Variants in FCGR2B observed in about 807,000 individuals in gnomAD.
The protein encoded by FCGR2B is Fc gamma receptor IIb, also known as low affinity immunoglobulin gamma Fc region receptor II-b.
FCGR2B carries 18 observed loss-of-function variants against 24.8 expected under a neutral mutation model. The observed-to-expected ratio is 0.73, with a 90% CI of 0.50 to 1.08. The LOEUF is 1.08. Among genes scored for constraint, FCGR2B ranks in the 50% least tolerant of loss-of-function variants. The pLI is 0.00. For synonymous variants in FCGR2B, 79 were observed against 109.8 expected (o/e 0.72, Z 1.75); for missense variants, 215 against 297.6 (o/e 0.72, Z 2.04).
chr1:161,652,183 A>G, the FCGR2B span, among the ~76,000 whole-genome samples: 2 of 131,638 alleles, frequency 1.5e-5, no homozygotes, highest in African/African-American at 5.2e-5. Flanking sequence ...TTCTCTTTAA[A>G]TGTTTCTTCT....
At chr1:161,671,092 G>A (rs1316727202) in intron 2 of FCGR2B, among the ~76,000 whole-genome samples, 1 of 152,140 alleles carries the variant, frequency 6.6e-6, no homozygotes, top group Non-Finnish European at 1.5e-5. Context: ...GAGGTTGGTG[G>A]GGAGAGAGAG....
upstream of FCGR2B, among the ~76,000 whole-genome samples, chr1:161,661,362 G>A (rs1339105254): frequency 1.5e-5 from 2 of 131,012 alleles, no homozygotes; most frequent in African/African-American, 6.1e-5. Flanking sequence ...CCAATTTACC[G>A]AGAGCAAGAC....
At chr1:161,677,280 C>T in intron 6 of FCGR2B, 48 bp from the exon 7 acceptor site, 1 of 1,593,310 alleles carries the variant, frequency 6.3e-7, no homozygotes, top group Non-Finnish European at 8.6e-7. Flanking sequence ...ACAGGCAGGC[C>T]CTCTTCTCCA....
At chr1:161,647,396 G>T in the FCGR2B span, among the ~76,000 whole-genome samples, 51 of 149,194 alleles carry the variant, frequency 3.4e-4, 1 homozygote, top group African/African-American at 1.2e-3. Flanking sequence ...CGCCTGCCGG[G>T]TTCAAGCAAT....
chr1:161,649,758 AG>A, the FCGR2B span, among the ~76,000 whole-genome samples: 1 of 149,770 alleles, frequency 6.7e-6, no homozygotes, highest in African/African-American at 2.5e-5. Flanking sequence ...TATAACTAGG[AG>A]GCCGTTGTAC....
chr1:161,647,275 CG>C, the FCGR2B span, among the ~76,000 whole-genome samples: 1 of 146,936 alleles, frequency 6.8e-6, no homozygotes, highest in Non-Finnish European at 1.5e-5. Context: ...AGTGCAGCCC[CG>C]GGTTCTCTTT....
chr1:161,661,623 A>G (rs1681106763), upstream of FCGR2B, among the ~76,000 whole-genome samples: 1 of 67,576 alleles, frequency 1.5e-5, no homozygotes, highest in South Asian at 5.1e-4. Flanking sequence ...TTGGTTTTAC[A>G]GTAAGAATTC....
At chr1:161,672,733 G>C in intron 3 of FCGR2B, 1 of 631,418 alleles carries the variant, frequency 1.6e-6, no homozygotes, top group South Asian at 2.0e-5. Context: ...TGTGCTAGGG[G>C]CTATTGTAGA....
At position 161,678,210 on chromosome 1, in the gene FCGR2B, C is replaced by A. The variant is rs1682299736; in HGVS notation, c.*657C>A. 4.5e-6 allele frequency: 1 copy of A among 221,922 alleles called. No homozygotes were observed. The highest frequency in any genetic ancestry group is 9.0e-6 in the Non-Finnish European group (1 of 111,010). The allele number at this position is 221,922 out of a possible 1,614,324, so 13.7% of individuals were successfully genotyped here. A position where few individuals can be genotyped will look rare whatever the true frequency, so the allele number is the denominator to read the frequency against. ...GGGGATTTAGAATGTAGAGTGAGTG[C>A]CCCTTTTCTTAAAACTGAATACAGT... On this transcript the variant is annotated 3_prime_UTR_variant, in exon 8 of 8. Transcript: ENST00000358671.
chr1:161,654,023 A>C, the FCGR2B span, among the ~76,000 whole-genome samples: 1 of 133,562 alleles, frequency 7.5e-6, no homozygotes, highest in Non-Finnish European at 1.7e-5. Context: ...CCTGCCCACC[A>C]AAGTACCCAT....
chr1:161,672,394 C>G, intron 3 of FCGR2B: 1 of 165,160 alleles, frequency 6.1e-6, no homozygotes, highest in Non-Finnish European at 1.3e-5. Flanking sequence ...ACACAGCAAA[C>G]GAATGACCCA....
chr1:161,661,181 G>A (rs1680997632), upstream of FCGR2B, among the ~76,000 whole-genome samples: 1 of 78,476 alleles, frequency 1.3e-5, no homozygotes, highest in South Asian at 3.7e-4. Flanking sequence ...AAGGAAGGAA[G>A]GAAGAAAGGA....
At chr1:161,656,264 A>T in the FCGR2B span, among the ~76,000 whole-genome samples, 1 of 145,958 alleles carries the variant, frequency 6.9e-6, no homozygotes, top group Non-Finnish European at 1.5e-5. Context: ...TCCCATTGTA[A>T]TGAGGGTTCC....
chr1:161,669,633 A>G lies in FCGR2B; in HGVS notation c.113-619A>G, dbSNP rs180989879. The stretch of plus-strand genomic sequence containing the variant: ...ATAAAATAAAATAAAATGACAACAT[A>G]GAAACAGATTCATCTTCTAGAACTT... On this transcript the variant is annotated intron_variant, in intron 1 of 7. Transcript: ENST00000358671. 7.8e-3 allele frequency among the ~76,000 whole-genome samples: 1,106 copies of G among 141,872 alleles called. 3 individuals are homozygous for G. The highest frequency in any genetic ancestry group is 9.5e-3 in the Non-Finnish European group (593 of 62,724). 93.1% of individuals were successfully genotyped at this position (141,872 alleles called of 152,430 possible). A position where few individuals can be genotyped will look rare whatever the true frequency, so the allele number is the denominator to read the frequency against.
At chr1:161,675,882 A>G (rs770083498) in intron 6 of FCGR2B, 22 of 233,106 alleles carry the variant, frequency 9.4e-5, no homozygotes, top group Admixed American at 5.6e-4. Flanking sequence ...GGCAAAACTC[A>G]GTTCTGATGC....
At chr1:161,647,687 C>T in the FCGR2B span, among the ~76,000 whole-genome samples, 1 of 150,928 alleles carries the variant, frequency 6.6e-6, no homozygotes, top group African/African-American at 2.4e-5. Context: ...TCTTTCATTT[C>T]CTTGTAAACT....
At position 161,677,558 on chromosome 1, in the gene FCGR2B, C is replaced by G. The variant is rs1682256502; in HGVS notation, c.*5C>G. On this transcript the variant is annotated 3_prime_UTR_variant, in exon 8 of 8. Coordinates refer to ENST00000358671, the MANE Select transcript of FCGR2B (RefSeq NM_001394477.1). ...GATGACCAGAACCGTATTTAGTCTC[C>G]ATTGTCTTGCATTGGGATTTGAGAA... 3.8e-6 allele frequency: 6 copies of G among 1,593,520 alleles called. No homozygotes were observed. The highest frequency in any genetic ancestry group is 5.1e-6 in the Non-Finnish European group (6 of 1,165,292).
chr1:161,650,228 C>T, the FCGR2B span, among the ~76,000 whole-genome samples: 1 of 147,088 alleles, frequency 6.8e-6, no homozygotes, highest in African/African-American at 2.5e-5. Context: ...TCTCAAACTC[C>T]TGACATCCTT....
intron 5 of FCGR2B, 135 bp from the exon 6 acceptor site, chr1:161,675,122 G>A (rs1415465134): frequency 1.1e-5 from 7 of 620,018 alleles, no homozygotes; most frequent in African/African-American, 9.8e-5. Flanking sequence ...CAGGGGAGCT[G>A]GGGGTGGGAG....
Sources: allele counts gnomAD v4.1 joint callset (sites outside exome capture counted in the v4.1 genomes callset), GRCh38; gene constraint gnomAD v4.1.1; transcripts MANE v1.5; gene names NCBI Gene and HGNC (gene_info 2026-07-23, HGNC 2026-07-21).